Variants in PREX1 observed in about 807,000 individuals in gnomAD.
PREX1 encodes the protein phosphatidylinositol 3,4,5-trisphosphate-dependent Rac exchanger 1 protein.
In PREX1, 41 loss-of-function variants were observed where a neutral mutation model predicts 198.3. The ratio of observed to expected loss-of-function variants is 0.21; its 90% CI spans 0.16 to 0.27. The LOEUF (loss-of-function observed/expected upper bound fraction) is 0.27. Among genes scored for constraint, PREX1 ranks in the 10% least tolerant of loss-of-function variants. The pLI is 1.00. For synonymous variants in PREX1, 843 were observed against 887.2 expected (o/e 0.95, Z 0.89); for missense variants, 1,620 against 2,200.7 (o/e 0.74, Z 5.28).
intron 23 of PREX1, 150 bp downstream of exon 23, chr20:48,650,744 C>T (rs2089488941): frequency 6.6e-6 from 7 of 1,068,450 alleles, no homozygotes; most frequent in African/African-American, 3.2e-5. Flanking sequence ...ATAAGTTCAC[C>T]TCCGTCCTTT....
chr20:48,829,383 T>G (rs2090530041), upstream of PREX1, among the ~76,000 whole-genome samples: 1 of 152,254 alleles, frequency 6.6e-6, no homozygotes, highest in Admixed American at 6.5e-5. Flanking sequence ...TTTATTCCTG[T>G]TCCAAAAGCC....
At position 48,786,742 on chromosome 20, in the gene PREX1, CA is replaced by C. The variant is rs1284956885; in HGVS notation, c.220-38863del. Among the ~76,000 whole-genome samples, 568 of 72,298 alleles carry C rather than the reference CA, an allele frequency of 7.9e-3. 1 individual carries two copies. Among genetic ancestry groups the C allele is most frequent in the African/African-American group, 0.027 (520 of 19,538 alleles). 47.4% of individuals were successfully genotyped at this position (72,298 alleles called of 152,430 possible). Reference sequence around the variant, plus strand: ...CCTGGGTCACAAAGCAAGACTCTGTCAAAAAAAAAAGAGAAAGAAAGAAAAG... The same window carrying C: ...CCTGGGTCACAAAGCAAGACTCTGTCAAAAAAAAAGAGAAAGAAAGAAAAG... On this transcript the variant is annotated intron_variant, in intron 1 of 39. Transcript: ENST00000371941.
intron 36 of PREX1, among the ~76,000 whole-genome samples, chr20:48,630,063 C>G (rs1443301616): frequency 6.6e-6 from 1 of 152,188 alleles, no homozygotes; most frequent in Non-Finnish European, 1.5e-5. Flanking sequence ...CGGGGACATT[C>G]TGCCAGCCAG....
chr20:48,750,168 G>A (rs948739539), intron 1 of PREX1, among the ~76,000 whole-genome samples: 2 of 152,054 alleles, frequency 1.3e-5, no homozygotes, highest in Non-Finnish European at 2.9e-5. Context: ...CAATACATCA[G>A]CAAATGTTAC....
At chr20:48,698,433 G>A (rs1392723310) in intron 7 of PREX1, among the ~76,000 whole-genome samples, 3 of 152,148 alleles carry the variant, frequency 2.0e-5, no homozygotes, top group African/African-American at 4.8e-5. Context: ...GCAGAGCGGC[G>A]GGGCAGGGCT....
At chr20:48,720,979 C>T (rs1832095119) in intron 5 of PREX1, among the ~76,000 whole-genome samples, 2 of 152,210 alleles carry the variant, frequency 1.3e-5, no homozygotes, top group Admixed American at 1.3e-4. Flanking sequence ...CTGGATGCAA[C>T]CCCACTAGAG....
chr20:48,787,394 G>GA (rs895124161), intron 1 of PREX1, among the ~76,000 whole-genome samples: 5 of 151,136 alleles, frequency 3.3e-5, no homozygotes, highest in African/African-American at 1.2e-4. Context: ...AAGAAAGAAA[G>GA]AAAAAAGGCT....
intron 5 of PREX1, among the ~76,000 whole-genome samples, chr20:48,719,048 G>C (rs1160417415): frequency 6.6e-6 from 1 of 152,246 alleles, no homozygotes; most frequent in Non-Finnish European, 1.5e-5. Flanking sequence ...TGTCTCATCT[G>C]ATCTTCACAG....
chr20:48,845,637 G>A, the PREX1 span, among the ~76,000 whole-genome samples: 1 of 151,220 alleles, frequency 6.6e-6, no homozygotes, highest in African/African-American at 2.4e-5. Flanking sequence ...AGGAGGCTGA[G>A]GTTGTAATGA....
At chr20:48,860,928 T>G in the PREX1 span, among the ~76,000 whole-genome samples, 1 of 151,584 alleles carries the variant, frequency 6.6e-6, no homozygotes, top group Non-Finnish European at 1.5e-5. Context: ...GGCAGGAGTT[T>G]GAAACCATCC....
At chr20:48,650,734 A>G (rs1420868026) in intron 23 of PREX1, among the ~76,000 whole-genome samples, 160 bp downstream of exon 23, 2 of 152,236 alleles carry the variant, frequency 1.3e-5, no homozygotes, top group Admixed American at 6.5e-5. Flanking sequence ...CTATGATGTG[A>G]TAAGTTCACC....
At chr20:48,756,987 C>T (rs2090158489) in intron 1 of PREX1, among the ~76,000 whole-genome samples, 1 of 152,128 alleles carries the variant, frequency 6.6e-6, no homozygotes, top group Non-Finnish European at 1.5e-5. Context: ...GACTTACTCA[C>T]TATCACGAGA....
At chr20:48,793,218 A>C (rs200896656) in intron 1 of PREX1, among the ~76,000 whole-genome samples, 37 of 152,288 alleles carry the variant, frequency 2.4e-4, no homozygotes, top group East Asian at 1.7e-3. Context: ...TAAATAAATA[A>C]ATACATACAT....
chr20:48,660,024 G>A lies in PREX1; in HGVS notation c.1776C>T (p.Tyr592=). The change falls in exon 16 of 40, where the codon TAC becomes TAT. Residue 592 remains tyrosine, a synonymous_variant. Transcript: ENST00000371941. ...EKSEFRDESQ[Y]FRFHADEEME... ...TCTCCTCGTCAGCATGAAAGCGGAA[G>A]TACTGGGACTCATCCCTGAACTCGC... 1 of 1,614,214 alleles carries A rather than the reference G, an allele frequency of 6.2e-7. No individual in the cohort carries two copies.
chr20:48,727,211 G>C (rs1243120993), intron 4 of PREX1, among the ~76,000 whole-genome samples: 1 of 152,174 alleles, frequency 6.6e-6, no homozygotes, highest in African/African-American at 2.4e-5. Context: ...AAATGTCCTA[G>C]TTCTTTAGCT....
chr20:48,856,965 G>A, the PREX1 span, among the ~76,000 whole-genome samples: 6 of 152,094 alleles, frequency 3.9e-5, no homozygotes, highest in Non-Finnish European at 8.8e-5. Context: ...TCAGCCTCCC[G>A]AGTAGCTGGG....
chr20:48,792,525 T>C (rs1355002071), intron 1 of PREX1, among the ~76,000 whole-genome samples: 2 of 152,124 alleles, frequency 1.3e-5, no homozygotes, highest in Non-Finnish European at 1.5e-5. Context: ...GGCTCTGTTC[T>C]GAGAGCTGTA....
At chr20:48,804,262 C>G (rs1193198236) in intron 1 of PREX1, among the ~76,000 whole-genome samples, 1 of 152,220 alleles carries the variant, frequency 6.6e-6, no homozygotes, top group African/African-American at 2.4e-5. Flanking sequence ...ACCCCCTGCC[C>G]TCTGGGAGCT....
intron 10 of PREX1, among the ~76,000 whole-genome samples, chr20:48,682,639 A>G (rs1397183690): frequency 1.3e-5 from 2 of 152,234 alleles, no homozygotes; most frequent in Non-Finnish European, 2.9e-5. Context: ...CTCCCAGGCC[A>G]GAGGAAGACA....
Sources: allele counts gnomAD v4.1 joint callset (sites outside exome capture counted in the v4.1 genomes callset), GRCh38; gene constraint gnomAD v4.1.1; transcripts MANE v1.5; gene names NCBI Gene and HGNC (gene_info 2026-07-23, HGNC 2026-07-21).